The following PICALM variants were observed in gnomAD, a reference collection of about 807,000 sequenced individuals.
PICALM encodes phosphatidylinositol binding clathrin assembly protein.
In PICALM, 40 loss-of-function variants were observed where a neutral mutation model predicts 80.5. The observed-to-expected ratio is 0.50, with a 90% CI of 0.39 to 0.65. The LOEUF is 0.65. Among genes scored for constraint, PICALM ranks in the 30% least tolerant of loss-of-function variants. PICALM has a pLI of 0.00. For missense variants in PICALM, 676 were observed against 778.9 expected (o/e 0.87, Z 1.57); for synonymous variants, 288 against 260.3 (o/e 1.11, Z -1.02).
chr11:86,066,706 T>A (rs536904788), intron 1 of PICALM, among the ~76,000 whole-genome samples: 4 of 144,490 alleles, frequency 2.8e-5, no homozygotes, highest in South Asian at 2.1e-4. Context: ...AAGAGGAAAA[T>A]AGTTCACACA....
chr11:85,987,223 A>G (rs1466377737), intron 13 of PICALM, among the ~76,000 whole-genome samples: 1 of 152,212 alleles, frequency 6.6e-6, no homozygotes, highest in Non-Finnish European at 1.5e-5. Context: ...TGACATAGTT[A>G]TTATTATCCC....
intron 13 of PICALM, among the ~76,000 whole-genome samples, chr11:85,987,227 T>C (rs575300035): frequency 6.6e-6 from 1 of 152,312 alleles, no homozygotes; most frequent in African/African-American, 2.4e-5. Flanking sequence ...ATAGTTATTA[T>C]TATCCCTGTT....
chr11:86,031,684 C>A lies in PICALM; in HGVS notation c.131-73G>T, dbSNP rs572572400. On this transcript the variant is annotated intron_variant, in intron 1 of 19. Transcript: ENST00000393346. ...TTATTGTTAATACCAGATCTGCATA[C>A]AAACAGGCAAAAGATTTAACACAAA... The A allele has an allele frequency of 4.9e-5, 52 of 1,056,658 alleles. No homozygotes were observed. In the South Asian group the frequency reaches 7.3e-4, roughly 15 times the overall value. 65.5% of individuals were successfully genotyped at this position (1,056,658 alleles called of 1,614,324 possible).
At chr11:86,024,289 T>C (rs952263138) in intron 3 of PICALM, among the ~76,000 whole-genome samples, 2 of 151,932 alleles carry the variant, frequency 1.3e-5, no homozygotes, top group South Asian at 4.1e-4. Context: ...GTCCTACATA[T>C]AGATTACTGG....
At chr11:86,042,947 G>C (rs1319370070) in intron 1 of PICALM, among the ~76,000 whole-genome samples, 1 of 152,090 alleles carries the variant, frequency 6.6e-6, no homozygotes, top group African/African-American at 2.4e-5. Flanking sequence ...ATTCTGGAGA[G>C]GTTAAAGGAA....
chr11:86,022,569 A>G lies in PICALM; in HGVS notation c.350-100T>C. On this transcript the variant is annotated intron_variant, in intron 3 of 19. Coordinates refer to ENST00000393346, the MANE Select transcript of PICALM (RefSeq NM_007166.4). ...CCTAGAAAAACAACTCATTGCATCC[A>G]ATGGCTATAAAATGTCTTGATATCC... 5.1e-6 allele frequency: 3 copies of G among 587,236 alleles called. 1 individual carries two copies. The highest frequency in any genetic ancestry group is 8.9e-6 in the Non-Finnish European group (3 of 338,292). The allele number at this position is 587,236 out of a possible 1,614,324, so 36.4% of individuals were successfully genotyped here.
chr11:85,959,948 A>AT (rs947288009), intron 19 of PICALM, among the ~76,000 whole-genome samples: 1 of 152,116 alleles, frequency 6.6e-6, no homozygotes, highest in Non-Finnish European at 1.5e-5. Context: ...TCAATGACCT[A>AT]TTTTTTCATG....
intron 19 of PICALM, among the ~76,000 whole-genome samples, chr11:85,968,914 T>C (rs894988064): frequency 2.0e-5 from 3 of 149,136 alleles, no homozygotes; most frequent in Admixed American, 6.7e-5. Context: ...AACAATTCCA[T>C]GAAAATATCT....
At chr11:86,058,769 TAC>T (rs748831201) in intron 1 of PICALM, among the ~76,000 whole-genome samples, 5 of 152,202 alleles carry the variant, frequency 3.3e-5, no homozygotes, top group Admixed American at 1.3e-4. Flanking sequence ...GAGTCTACTG[TAC>T]AGTTATACTC....
At chr11:86,034,288 T>C (rs2095805926) in intron 1 of PICALM, among the ~76,000 whole-genome samples, 1 of 152,152 alleles carries the variant, frequency 6.6e-6, no homozygotes, top group Admixed American at 6.5e-5. Flanking sequence ...AGCCAGTCAT[T>C]TTCTCCATAC....
chr11:85,966,211 T>A (rs898285308), intron 19 of PICALM, among the ~76,000 whole-genome samples: 1 of 150,786 alleles, frequency 6.6e-6, no homozygotes, highest in Non-Finnish European at 1.5e-5. Flanking sequence ...TCTAAAACTG[T>A]TTTTCCCCCC....
At chr11:86,068,586 G>C (rs950739870) in intron 1 of PICALM, 65 bp downstream of exon 1, 2 of 1,492,928 alleles carry the variant, frequency 1.3e-6, no homozygotes, top group Admixed American at 4.0e-5. Flanking sequence ...ACAAGAGAGA[G>C]AGAGAAGGAC....
intron 16 of PICALM, 106 bp downstream of exon 16, chr11:85,981,639 C>G: frequency 2.6e-6 from 2 of 756,176 alleles, no homozygotes; most frequent in East Asian, 5.2e-5. Flanking sequence ...GACTTGATAT[C>G]TCTACACATA....
Position 85,967,022 on chromosome 11 carries a change from T to C in PICALM, c.1944+7686A>G, listed in dbSNP as rs536798162. Among the ~76,000 whole-genome samples, 5 of 152,370 alleles carry C rather than the reference T, an allele frequency of 3.3e-5. No individual in the cohort carries two copies. In the East Asian group the frequency reaches 9.6e-4, roughly 29 times the overall value. Reference sequence around the variant, plus strand: ...TTAACATGCTTAATCAAGTTTGTGGTACACTTTGTTACAGCAGTCCTAGGA... The same window carrying C: ...TTAACATGCTTAATCAAGTTTGTGGCACACTTTGTTACAGCAGTCCTAGGA... On this transcript the variant is annotated intron_variant, in intron 19 of 19. Coordinates refer to ENST00000393346, the MANE Select transcript of PICALM (RefSeq NM_007166.4).
chr11:85,998,773 G>T (rs928364176), intron 11 of PICALM, among the ~76,000 whole-genome samples: 3 of 152,106 alleles, frequency 2.0e-5, no homozygotes, highest in Non-Finnish European at 4.4e-5. Context: ...GTAAGTCACT[G>T]TCTCAAAAGA....
intron 8 of PICALM, chr11:86,003,676 G>C (rs1046265157): frequency 3.4e-5 from 12 of 353,636 alleles, no homozygotes; most frequent in Non-Finnish European, 5.6e-5. Context: ...GTTAAGAACT[G>C]AAAACTATGT....
rs73504425 is a variant in PICALM at position 85,958,941 on chromosome 11, G to A, written c.*105C>T. ...CTTGTAGCATTCTAATGGAAGAAGA[G>A]AGTTTAAGAGATTTAAGAGACAGCA... On this transcript the variant is annotated 3_prime_UTR_variant, in exon 20 of 20. Coordinates refer to ENST00000393346, the MANE Select transcript of PICALM (RefSeq NM_007166.4). The A allele has an allele frequency of 3.4e-4, 256 of 755,138 alleles. No individual in the cohort carries two copies. The African/African-American group carries it at 4.1e-3, about 12-fold the overall frequency. 46.8% of individuals were successfully genotyped at this position (755,138 alleles called of 1,614,324 possible). A position where few individuals can be genotyped will look rare whatever the true frequency, so the allele number is the denominator to read the frequency against.
intron 3 of PICALM, among the ~76,000 whole-genome samples, chr11:86,023,992 C>A (rs141354661): frequency 6.6e-6 from 1 of 151,804 alleles, no homozygotes; most frequent in Non-Finnish European, 1.5e-5. Context: ...ATTAGCCAGG[C>A]GTGGTGGTGC....
chr11:85,976,442 T>C (rs927669057), intron 18 of PICALM, among the ~76,000 whole-genome samples, 181 bp downstream of exon 18: 2 of 152,204 alleles, frequency 1.3e-5, no homozygotes, highest in African/African-American at 2.4e-5. Context: ...ATGCATAAGA[T>C]CTCTTGTATA....
Sources: allele counts gnomAD v4.1 joint callset (sites outside exome capture counted in the v4.1 genomes callset), GRCh38; gene constraint gnomAD v4.1.1; transcripts MANE v1.5; gene names NCBI Gene and HGNC (gene_info 2026-07-23, HGNC 2026-07-21).